Variants in IGDCC4 observed in about 807,000 individuals in gnomAD.
IGDCC4 encodes immunoglobulin superfamily DCC subclass member 4.
IGDCC4 carries 72 observed loss-of-function variants against 116.6 expected under a neutral mutation model. The observed-to-expected ratio is 0.62, with a 90% CI of 0.51 to 0.75. IGDCC4 has a LOEUF of 0.75. Among genes scored for constraint, IGDCC4 ranks in the 30% least tolerant of loss-of-function variants. IGDCC4 has a pLI of 0.00. For synonymous variants in IGDCC4, 709 were observed against 719.9 expected (o/e 0.98, Z 0.24); for missense variants, 1,501 against 1,662.4 (o/e 0.90, Z 1.69).
intron 5 of IGDCC4, among the ~76,000 whole-genome samples, chr15:65,400,180 T>C (rs2062970654): frequency 6.6e-6 from 1 of 152,260 alleles, no homozygotes; most frequent in South Asian, 2.1e-4. Context: ...GGCGTTACCC[T>C]GATGGCATCT....
intron 3 of IGDCC4, among the ~76,000 whole-genome samples, chr15:65,407,914 G>A (rs552476263): frequency 1.8e-4 from 27 of 151,916 alleles, no homozygotes; most frequent in Non-Finnish European, 2.4e-4. Flanking sequence ...GATTACAGGC[G>A]TGAGCCACCG....
rs751609508 is a variant in IGDCC4 at position 65,396,006 on chromosome 15, G to A, written c.1155C>T (p.Gly385=). The A allele has an allele frequency of 1.3e-4, 200 of 1,527,286 alleles. No individual in the cohort carries two copies. In the East Asian group the frequency reaches 5.1e-3, roughly 39 times the overall value. 94.6% of individuals were successfully genotyped at this position (1,527,286 alleles called of 1,614,324 possible). ...GTGTGATGACCAGGCTGCCACCGCCGCCCTGGACCTTGACGCGCCCGTTGG... is the reference window on the plus strand; with the variant it reads ...GTGTGATGACCAGGCTGCCACCGCCACCCTGGACCTTGACGCGCCCGTTGG... ...LRPNGRVKVQ[G]GGGSLVITQI... Residue 385 remains glycine (G), a synonymous_variant, in exon 7 of 20, where the codon GGC becomes GGT. Transcript: ENST00000352385.
chr15:65,385,512 C>G (rs899472147), intron 18 of IGDCC4: 1 of 541,618 alleles, frequency 1.8e-6, no homozygotes, highest in African/African-American at 1.9e-5. Flanking sequence ...GGCCTCTTCT[C>G]CCCACACGGG....
At position 65,390,318 on chromosome 15, in the gene IGDCC4, G is replaced by T; in HGVS notation, c.2245C>A (p.Pro749Thr). 6.2e-7 allele frequency: 1 copy of T among 1,605,508 alleles called. No homozygotes were observed. ...PAPDMPIQRG[P>T]PLPPAHVHAE... ...TGGACGTGGGCTGGAGGCAGGGGTG[G>T]TCCCCTCTGGATAGGCATGTCTGAA... The change falls in exon 13 of 20, where the codon CCA (proline) becomes ACA (threonine). Residue 749 changes from proline to threonine, a missense_variant. Physicochemically the swap from Pro to Thr is conservative, Grantham distance 38 (BLOSUM62 -1). This residue lies in a region of IGDCC4 where 235 missense variants were observed against 328.0 expected (regional missense o/e 0.72). Transcript: ENST00000352385.
chr15:65,403,757 A>T (rs1318012077), intron 3 of IGDCC4, among the ~76,000 whole-genome samples: 19 of 152,172 alleles, frequency 1.2e-4, no homozygotes, highest in Non-Finnish European at 1.2e-4. Flanking sequence ...TATGTTACTT[A>T]GAAGGGGCAT....
chr15:65,409,348 C>A (rs922523278), intron 3 of IGDCC4, among the ~76,000 whole-genome samples: 1 of 152,122 alleles, frequency 6.6e-6, no homozygotes, highest in East Asian at 1.9e-4. Context: ...TCCACCAGGA[C>A]GGGAGAAGGA....
chr15:65,391,749 G>C, intron 12 of IGDCC4, 131 bp downstream of exon 12: 1 of 742,952 alleles, frequency 1.3e-6, no homozygotes, highest in Non-Finnish European at 2.3e-6. Context: ...GATCCTAGGA[G>C]AATGGGTTTG....
Position 65,408,497 on chromosome 15 carries a change from G to A in IGDCC4, c.563+1681C>T, listed in dbSNP as rs78683816. Among the ~76,000 whole-genome samples, 123 of 152,268 alleles carry A rather than the reference G, an allele frequency of 8.1e-4. No homozygotes were observed. In the East Asian group the frequency reaches 0.021, roughly 26 times the overall value. On this transcript the variant is annotated intron_variant, in intron 3 of 19. Coordinates refer to ENST00000352385, the MANE Select transcript of IGDCC4 (RefSeq NM_020962.3). ...CACCCTCTAGAATGCTCATTCATGGGATGTTAAGGGGCTCCTGGGCAAACG... is the reference window on the plus strand; with the variant it reads ...CACCCTCTAGAATGCTCATTCATGGAATGTTAAGGGGCTCCTGGGCAAACG...
Position 65,393,381 on chromosome 15 carries a change from C to T in IGDCC4, c.1865G>A (p.Ser622Asn). The T allele has an allele frequency of 6.2e-7, 1 of 1,612,432 alleles. No individual in the cohort carries two copies. The highest frequency in any genetic ancestry group is 8.5e-7 in the Non-Finnish European group (1 of 1,179,114). Residue 622 changes from serine (S) to asparagine (N), a missense_variant, in exon 10 of 20, where the codon AGT becomes AAT. Coordinates refer to ENST00000352385, the MANE Select transcript of IGDCC4 (RefSeq NM_020962.3). This position sits in a 1 kb window ranked among gnomAD's most constrained non-coding sequence, Gnocchi z 4.6. ...PSQWMHHRTP[S>N]MHNQSHVPFA... is the part of the protein sequence containing the mutation. ...CGTACCATGGCTCTGGTTGTGCATA[C>T]TGGGCGTCCTGTGATGCATCCACTG...
Position 65,392,174 on chromosome 15 carries a change from C to A in IGDCC4, c.2082G>T (p.Arg694=). Residue 694 remains arginine, a synonymous_variant, in exon 11 of 20, where the codon CGG becomes CGT. Transcript: ENST00000352385. Reference sequence around the variant, plus strand: ...CATACTGCTTCACTTTCTTCTTGAGCCGGACAGGCCCCACATCCCAAGCCT... The same window carrying A: ...CATACTGCTTCACTTTCTTCTTGAGACGGACAGGCCCCACATCCCAAGCCT... ...GDQAWDVGPV[R]LKKKVKQYEL... 6.2e-7 allele frequency: 1 copy of A among 1,613,564 alleles called. No individual in the cohort carries two copies. Among genetic ancestry groups the A allele is most frequent in the Non-Finnish European group, 8.5e-7 (1 of 1,179,734 alleles).
chr15:65,411,449 A>G, intron 1 of IGDCC4, 79 bp from the exon 2 acceptor site: 1 of 1,264,634 alleles, frequency 7.9e-7, no homozygotes, highest in East Asian at 2.6e-5. Context: ...TCACCCATGC[A>G]GGGGCTGGGG....
chr15:65,405,633 A>C (rs1268894277), intron 3 of IGDCC4, among the ~76,000 whole-genome samples: 1 of 152,226 alleles, frequency 6.6e-6, no homozygotes, highest in Non-Finnish European at 1.5e-5. Context: ...AGCTCTGAAC[A>C]CATGTTTACA....
At chr15:65,413,470 G>A (rs1293393928) in intron 1 of IGDCC4, among the ~76,000 whole-genome samples, 4 of 152,190 alleles carry the variant, frequency 2.6e-5, no homozygotes, top group Admixed American at 6.5e-5. Flanking sequence ...GAAGAGTAGG[G>A]AAACAGTAGA....
Position 65,384,372 on chromosome 15 carries a change from C to T in IGDCC4, c.3390G>A (p.Glu1130=). The T allele has an allele frequency of 6.5e-7, 1 of 1,548,128 alleles. No individual in the cohort carries two copies. The highest frequency in any genetic ancestry group is 1.2e-5 in the South Asian group (1 of 80,290). ...KSPPACRNQV[E]AEVIVHSDFS... ...AGTCAGAGTGGACAATGACTTCAGC[C>T]TCCACCTGGTTCCTGCAGGCTGGGG... is the stretch of plus-strand genomic sequence containing the variant. Residue 1130 remains glutamate (E), a synonymous_variant, in exon 20 of 20, where the codon GAG becomes GAA. Coordinates refer to ENST00000352385, the MANE Select transcript of IGDCC4 (RefSeq NM_020962.3). This position sits in a 1 kb window ranked among gnomAD's most constrained non-coding sequence, Gnocchi z 4.9.
At chr15:65,418,941 G>A (rs929576089) in intron 1 of IGDCC4, among the ~76,000 whole-genome samples, 1 of 152,108 alleles carries the variant, frequency 6.6e-6, no homozygotes, top group African/African-American at 2.4e-5. Flanking sequence ...AGTGAACTTG[G>A]GTATCCCTAG....
At position 65,395,515 on chromosome 15, in the gene IGDCC4, G is replaced by T. The variant is rs2062914691; in HGVS notation, c.1411+235C>A. Among the ~76,000 whole-genome samples, 3 of 152,226 alleles carry T rather than the reference G, an allele frequency of 2.0e-5. No homozygotes were observed. In the South Asian group the frequency reaches 6.2e-4, roughly 32 times the overall value. On this transcript the variant is annotated intron_variant, in intron 7 of 19. Transcript: ENST00000352385. ...TGGGATGGGAGGTGGCTCCAGGAAC[G>T]TCCTCTCCCTCCTCTCTCAACAAAC... is the stretch of plus-strand genomic sequence containing the variant.
rs183002642 is a variant in IGDCC4, at chr15:65,395,631, C to T, written c.1411+119G>A. 2,340 of 1,149,208 alleles carry T rather than the reference C, an allele frequency of 2.0e-3. 8 individuals carry two copies. The highest frequency in any genetic ancestry group is 1.7e-3 in the Non-Finnish European group (1,497 of 859,970). The allele number at this position is 1,149,208 out of a possible 1,614,324, so 71.2% of individuals were successfully genotyped here. A position where few individuals can be genotyped will look rare whatever the true frequency, so the allele number is the denominator to read the frequency against. On this transcript the variant is annotated intron_variant, in intron 7 of 19. Coordinates refer to ENST00000352385, the MANE Select transcript of IGDCC4 (RefSeq NM_020962.3). ...GGGTCTCTCCTATGGGCTCCTACCCCAGTCCATCCTTGCCGCAGAGGTACC... is the reference window on the plus strand; with the variant it reads ...GGGTCTCTCCTATGGGCTCCTACCCTAGTCCATCCTTGCCGCAGAGGTACC...
chr15:65,410,513 A>C (rs2063081060), intron 2 of IGDCC4, 194 bp from the exon 3 acceptor site: 1 of 627,386 alleles, frequency 1.6e-6, no homozygotes. Flanking sequence ...CAGCAGAATG[A>C]ATTCCAAAGC....
intron 8 of IGDCC4, 42 bp from the exon 9 acceptor site, chr15:65,394,590 G>C: frequency 6.5e-7 from 1 of 1,543,092 alleles, no homozygotes; most frequent in Non-Finnish European, 8.7e-7. Flanking sequence ...CTCCACCGAC[G>C]TGGAAGGTGA....
Sources: allele counts gnomAD v4.1 joint callset (sites outside exome capture counted in the v4.1 genomes callset), GRCh38; gene constraint gnomAD v4.1.1; regional missense constraint gnomAD v4.1.1; non-coding constraint Gnocchi (gnomAD v3.1); transcripts MANE v1.5; gene names NCBI Gene and HGNC (gene_info 2026-07-23, HGNC 2026-07-21).